PXDNL: variants seen among roughly 807,000 people sequenced by gnomAD.
PXDNL encodes probable oxidoreductase PXDNL.
PXDNL carries 145 observed loss-of-function variants against 150.8 expected under a neutral mutation model. The ratio of observed to expected loss-of-function variants is 0.96; its 90% CI spans 0.84 to 1.10. The LOEUF is 1.10. Ranked by LOEUF, PXDNL falls within the 50% of genes least tolerant of loss-of-function variation. The pLI is 0.00. For missense variants in PXDNL, 2,087 were observed against 1,873.9 expected, an observed-to-expected ratio of 1.11 and a Z score of -2.10; for synonymous variants, 757 against 725.7, an observed-to-expected ratio of 1.04 and a Z score of -0.69.
intron 12 of PXDNL, among the ~76,000 whole-genome samples, chr8:51,429,138 A>G (rs1302452756): frequency 6.6e-6 from 1 of 152,226 alleles, no homozygotes; most frequent in Non-Finnish European, 1.5e-5. Context: ...TGATATTACT[A>G]CACACCTATG....
chr8:51,408,698 G>A lies in PXDNL; in HGVS notation c.2926C>T (p.Arg976Trp), dbSNP rs1230338300. The A allele has an allele frequency of 8.2e-6, 13 of 1,593,994 alleles. No homozygotes were observed. Among genetic ancestry groups the A allele is most frequent in the Admixed American group, 3.5e-5 (2 of 57,074 alleles). Residue 976 changes from arginine (R) to tryptophan (W), a missense_variant, in exon 17 of 23, where the codon CGG becomes TGG. Arg to Trp is a moderately radical substitution (Grantham distance 101, BLOSUM62 -3). Transcript: ENST00000356297. ...ALAAMHTLWFREHNRMATELS... is the reference protein window; with the variant it reads ...ALAAMHTLWFWEHNRMATELS... The stretch of plus-strand genomic sequence containing the variant: ...TCCGTGGCCATCCTGTTGTGTTCCC[G>A]GAACCACAGGGTGTGCATGGCGGCC...
chr8:51,641,228 G>A (rs1461771876), intron 2 of PXDNL, among the ~76,000 whole-genome samples: 2 of 122,194 alleles, frequency 1.6e-5, no homozygotes, highest in African/African-American at 4.7e-5. Context: ...AGACTTAAAC[G>A]TTAGACCTAA....
chr8:51,403,783 CG>C (rs1563394572), intron 17 of PXDNL, among the ~76,000 whole-genome samples: 1 of 152,068 alleles, frequency 6.6e-6, no homozygotes, highest in African/African-American at 2.4e-5. Flanking sequence ...TATTAATAAG[CG>C]GGGCCTTAGG....
At chr8:51,750,203 T>C (rs2037030298) in intron 1 of PXDNL, among the ~76,000 whole-genome samples, 1 of 152,178 alleles carries the variant, frequency 6.6e-6, no homozygotes, top group African/African-American at 2.4e-5. Context: ...TTTTTCTTTT[T>C]AAACTTTTTT....
At chr8:51,399,866 G>C (rs982079900) in intron 17 of PXDNL, among the ~76,000 whole-genome samples, 3 of 152,100 alleles carry the variant, frequency 2.0e-5, no homozygotes, top group Non-Finnish European at 4.4e-5. Flanking sequence ...AAAGCATAAA[G>C]TTTTCTATAA....
chr8:51,782,850 T>C (rs780418896), intron 1 of PXDNL, among the ~76,000 whole-genome samples: 1 of 152,234 alleles, frequency 6.6e-6, no homozygotes, highest in Non-Finnish European at 1.5e-5. Flanking sequence ...TTTAGTGGCT[T>C]ATGAATGTCC....
At chr8:51,665,142 G>T (rs1815355603) in intron 1 of PXDNL, among the ~76,000 whole-genome samples, 1 of 152,140 alleles carries the variant, frequency 6.6e-6, no homozygotes, top group Non-Finnish European at 1.5e-5. Context: ...CCTTTCCTTA[G>T]AGAGACATTC....
At chr8:51,768,118 C>T (rs2037251292) in intron 1 of PXDNL, among the ~76,000 whole-genome samples, 2 of 152,212 alleles carry the variant, frequency 1.3e-5, no homozygotes, top group Admixed American at 1.3e-4. Flanking sequence ...TAAGTTAAAA[C>T]ATCACAAAGC....
chr8:51,658,997 T>A (rs1031958670), intron 1 of PXDNL, among the ~76,000 whole-genome samples: 8 of 146,238 alleles, frequency 5.5e-5, no homozygotes, highest in African/African-American at 1.8e-4. Context: ...CTTGAAAAAA[T>A]GTTTGCCTAT....
intron 16 of PXDNL, 72 bp from the exon 17 acceptor site, chr8:51,409,633 G>C (rs1808570038): frequency 2.2e-6 from 3 of 1,351,022 alleles, no homozygotes; most frequent in Admixed American, 5.2e-5. Flanking sequence ...AACTCCAGAT[G>C]CTGCGGGAAC....
chr8:51,790,688 C>T (rs773129380), intron 1 of PXDNL, among the ~76,000 whole-genome samples: 8 of 151,752 alleles, frequency 5.3e-5, no homozygotes, highest in Non-Finnish European at 8.8e-5. Flanking sequence ...GGCCTGGAGG[C>T]GGCGGAGGGC....
chr8:51,535,093 TG>T (rs1200437565), intron 4 of PXDNL, among the ~76,000 whole-genome samples: 4 of 105,434 alleles, frequency 3.8e-5, no homozygotes, highest in Middle Eastern at 6.2e-3. Flanking sequence ...GGGAGGGTGG[TG>T]GGGGGGTCAG....
intron 1 of PXDNL, among the ~76,000 whole-genome samples, chr8:51,796,245 C>A (rs576660244): frequency 1.4e-5 from 2 of 148,072 alleles, no homozygotes; most frequent in East Asian, 2.0e-4. Context: ...CCAAAGCTAG[C>A]AGAAAACAAA....
chr8:51,702,595 T>A (rs1816278843), intron 1 of PXDNL, among the ~76,000 whole-genome samples: 1 of 152,162 alleles, frequency 6.6e-6, no homozygotes, highest in Non-Finnish European at 1.5e-5. Flanking sequence ...TGCTTTTTAT[T>A]AACTGTGGGA....
rs1809742784 is a variant in PXDNL, at chr8:51,448,925, T to C, written c.1366+77A>G. On this transcript the variant is annotated intron_variant, in intron 11 of 22. Transcript: ENST00000356297. ...TCCATGATACACCTTCGATAATTAA[T>C]TTAAACTATTTTTTTTTACTATCCA... is the stretch of plus-strand genomic sequence containing the variant. The C allele has an allele frequency of 3.9e-6, 3 of 773,794 alleles. No individual in the cohort carries two copies. In the South Asian group the frequency reaches 4.4e-5, roughly 11 times the overall value. The allele number at this position is 773,794 out of a possible 1,614,324, so 47.9% of individuals were successfully genotyped here.
chr8:51,494,198 A>G (rs1810980141), intron 5 of PXDNL, among the ~76,000 whole-genome samples: 2 of 152,228 alleles, frequency 1.3e-5, no homozygotes, highest in Admixed American at 1.3e-4. Context: ...TAACTGAAGG[A>G]TAAATAAAAT....
chr8:51,572,461 G>C (rs539654714), intron 3 of PXDNL, among the ~76,000 whole-genome samples: 2 of 151,958 alleles, frequency 1.3e-5, no homozygotes, highest in East Asian at 3.9e-4. Context: ...AAACCAAAAC[G>C]AAGGTGAAAA....
chr8:51,656,416 A>G (rs2130804481), intron 1 of PXDNL, among the ~76,000 whole-genome samples: 1 of 152,328 alleles, frequency 6.6e-6, no homozygotes, highest in African/African-American at 2.4e-5. Context: ...AGACTATATC[A>G]GTAAAAGAAA....
At chr8:51,633,752 CAT>C (rs374915402) in intron 2 of PXDNL, among the ~76,000 whole-genome samples, 4 of 152,032 alleles carry the variant, frequency 2.6e-5, no homozygotes, top group South Asian at 2.1e-4. Context: ...AGCATTTTTT[CAT>C]ATGTTTGTTG....
Sources: gnomAD v4.1 joint callset for allele counts (sites outside exome capture counted in the v4.1 genomes callset) on GRCh38, gnomAD v4.1.1 for gene constraint, MANE v1.5 for transcripts, NCBI Gene and HGNC (gene_info 2026-07-23, HGNC 2026-07-21) for gene names.